The following OCA2 variants were observed in gnomAD, a reference collection of about 807,000 sequenced individuals.
OCA2 encodes the protein P protein.
In OCA2, 77 loss-of-function variants were observed where a neutral mutation model predicts 100.2. That is an observed-to-expected ratio of 0.77 (90% CI 0.64 to 0.93). The LOEUF is 0.93. Ranked by LOEUF, OCA2 falls within the 40% of genes least tolerant of loss-of-function variation. OCA2 has a pLI of 0.00. For synonymous variants in OCA2, 432 were observed against 439.2 expected, an observed-to-expected ratio of 0.98 and a Z score of 0.21; for missense variants, 1,062 against 1,089.1, an observed-to-expected ratio of 0.98 and a Z score of 0.35.
intron 19 of OCA2, among the ~76,000 whole-genome samples, chr15:27,919,456 G>A (rs1231389439): frequency 6.6e-6 from 1 of 152,166 alleles, no homozygotes; most frequent in Non-Finnish European, 1.5e-5. Context: ...GAAATGAGCT[G>A]TTAAGCCATG....
chr15:27,746,128 C>T, the OCA2 span, among the ~76,000 whole-genome samples: 1 of 152,210 alleles, frequency 6.6e-6, no homozygotes, highest in Non-Finnish European at 1.5e-5. Flanking sequence ...CCTCTTTAAA[C>T]ATTTTACAGC....
At chr15:27,979,382 C>T (rs2041071516) in intron 14 of OCA2, among the ~76,000 whole-genome samples, 1 of 152,196 alleles carries the variant, frequency 6.6e-6, no homozygotes, top group Admixed American at 6.5e-5. Context: ...TTTGATCTGA[C>T]AATCCCTGCT....
Position 27,983,409 on chromosome 15 carries a change from G to GCTC in OCA2, c.1436_1438dup (p.Gly479dup). On this transcript the variant is annotated inframe_insertion, in exon 14 of 24. Transcript: ENST00000354638. ...TGGAGGGTCCCCGATGGCAGTGGCA[G>GCTC]CTCCTCCAATGTTTGTGAAGATCAC... 6.2e-7 allele frequency: 1 copy of GCTC among 1,614,202 alleles called. No homozygotes were observed. Among genetic ancestry groups the GCTC allele is most frequent in the Non-Finnish European group, 8.5e-7 (1 of 1,180,036 alleles).
At chr15:27,860,102 G>T (rs2036076562) in intron 21 of OCA2, among the ~76,000 whole-genome samples, 1 of 152,138 alleles carries the variant, frequency 6.6e-6, no homozygotes, top group South Asian at 2.1e-4. Flanking sequence ...AAAATACACA[G>T]TATGCTTGGT....
the OCA2 span, among the ~76,000 whole-genome samples, chr15:27,733,006 C>T: frequency 1.3e-5 from 2 of 152,086 alleles, no homozygotes; most frequent in Non-Finnish European, 2.9e-5. Context: ...AAAGCAAAAA[C>T]AAGAAAGAAA....
chr15:27,870,616 C>A (rs374407548), intron 21 of OCA2, among the ~76,000 whole-genome samples: 1 of 150,760 alleles, frequency 6.6e-6, no homozygotes, highest in African/African-American at 2.5e-5. Flanking sequence ...TTGCCTCCGC[C>A]GCAAATGAAG....
chr15:27,867,663 GAAAC>G (rs2036378374), intron 21 of OCA2, among the ~76,000 whole-genome samples: 1 of 152,114 alleles, frequency 6.6e-6, no homozygotes, highest in African/African-American at 2.4e-5. Context: ...AGTGCAAGGA[GAAAC>G]AAACCAATTA....
the OCA2 span, among the ~76,000 whole-genome samples, chr15:27,746,184 G>A: frequency 1.3e-5 from 2 of 152,178 alleles, no homozygotes; most frequent in Non-Finnish European, 2.9e-5. Context: ...TTGGCTGGAC[G>A]CAGTGGCTCA....
chr15:27,819,983 AG>A lies in OCA2; in HGVS notation c.2432+24975del, dbSNP rs758568232. 2.6e-5 allele frequency among the ~76,000 whole-genome samples: 4 copies of A among 152,348 alleles called. No homozygotes were observed. The South Asian group carries it at 8.3e-4, about 32-fold the overall frequency. ...GGAAGGGCTCACGGAAAGAAAAACA[AG>A]CACGATGTTAGCGGCACACATCAAT... On this transcript the variant is annotated intron_variant, in intron 23 of 23. Transcript: ENST00000354638.
At chr15:28,086,845 A>T (rs2044784062) in intron 1 of OCA2, among the ~76,000 whole-genome samples, 1 of 152,208 alleles carries the variant, frequency 6.6e-6, no homozygotes, top group African/African-American at 2.4e-5. Context: ...GAAAAGAATC[A>T]ATAAGTGGAA....
chr15:28,000,006 G>A (rs1200719738), intron 9 of OCA2, among the ~76,000 whole-genome samples: 1 of 152,136 alleles, frequency 6.6e-6, no homozygotes, highest in Non-Finnish European at 1.5e-5. Flanking sequence ...TCCTGGTTTG[G>A]AAGAATTAAT....
At chr15:27,840,114 G>A (rs1231878419) in intron 23 of OCA2, among the ~76,000 whole-genome samples, 2 of 151,762 alleles carry the variant, frequency 1.3e-5, no homozygotes, top group Admixed American at 6.6e-5. Context: ...AACACTTATG[G>A]CAAATAAAAC....
chr15:27,939,164 A>G (rs1386953977), intron 18 of OCA2, among the ~76,000 whole-genome samples: 1 of 152,244 alleles, frequency 6.6e-6, no homozygotes, highest in African/African-American at 2.4e-5. Flanking sequence ...AACATCTATG[A>G]CAAACTCATA....
In OCA2 at chr15:27,853,393, A is replaced by C. The variant is rs1161225398; in HGVS notation, c.2245-1918T>G. Among the ~76,000 whole-genome samples the C allele has an allele frequency of 4.5e-4, 58 of 127,538 alleles. No individual in the cohort carries two copies. In the East Asian group the frequency reaches 0.014, roughly 31 times the overall value. The allele number at this position is 127,538 out of a possible 152,430, so 83.7% of individuals were successfully genotyped here. On this transcript the variant is annotated intron_variant, in intron 21 of 23. Coordinates refer to ENST00000354638, the MANE Select transcript of OCA2 (RefSeq NM_000275.3). ...AACAATGAGATCACATGGACACAGG[A>C]AGGGGAATATCACACTCTGGGGACT... is the stretch of plus-strand genomic sequence containing the variant.
At chr15:28,075,983 G>A (rs1309820533) in intron 2 of OCA2, among the ~76,000 whole-genome samples, 1 of 152,166 alleles carries the variant, frequency 6.6e-6, no homozygotes, top group Non-Finnish European at 1.5e-5. Context: ...AAAACTCATA[G>A]ATCTACTCAC....
At chr15:28,013,949 CAACT>C (rs1385222302) in intron 9 of OCA2, among the ~76,000 whole-genome samples, 2 of 152,146 alleles carry the variant, frequency 1.3e-5, no homozygotes, top group Non-Finnish European at 2.9e-5. Context: ...GGTGAGGGCT[CAACT>C]TACTGGGGTC....
Position 27,849,143 on chromosome 15 carries a change from G to A in OCA2, c.2338+2239C>T, listed in dbSNP as rs878912314. Among the ~76,000 whole-genome samples, 717 of 134,702 alleles carry A rather than the reference G, an allele frequency of 5.3e-3. 55 individuals carry two copies. The highest frequency in any genetic ancestry group is 0.018 in the African/African-American group (507 of 28,440). The allele number at this position is 134,702 out of a possible 152,430, so 88.4% of individuals were successfully genotyped here. On this transcript the variant is annotated intron_variant, in intron 22 of 23. Transcript: ENST00000354638. ...ACACAGCCACGTGCTGCCTGGGTTGGTGTGAACACAGCCACATGCTGCCTG... is the reference window on the plus strand; with the variant it reads ...ACACAGCCACGTGCTGCCTGGGTTGATGTGAACACAGCCACATGCTGCCTG...
chr15:27,922,996 G>C (rs2038921613), intron 19 of OCA2, among the ~76,000 whole-genome samples: 1 of 152,024 alleles, frequency 6.6e-6, no homozygotes, highest in African/African-American at 2.4e-5. Flanking sequence ...CCCAGTGTGT[G>C]TTGTTCCCCT....
intron 2 of OCA2, among the ~76,000 whole-genome samples, chr15:28,048,321 A>G (rs2043403899): frequency 6.6e-6 from 1 of 152,226 alleles, no homozygotes; most frequent in African/African-American, 2.4e-5. Context: ...ACTTTCCAGT[A>G]CTCACATTTT....
Sources: allele counts gnomAD v4.1 joint callset (sites outside exome capture counted in the v4.1 genomes callset), GRCh38; gene constraint gnomAD v4.1.1; transcripts MANE v1.5; gene names NCBI Gene and HGNC (gene_info 2026-07-23, HGNC 2026-07-21).